The following GALNT13 variants were observed in gnomAD, a reference collection of about 807,000 sequenced individuals.
The protein encoded by GALNT13 is polypeptide N-acetylgalactosaminyltransferase 13, also known as UDP-GalNAc:polypeptide N-acetylgalactosaminyltransferase 13.
A neutral mutation model predicts 64.2 loss-of-function variants in GALNT13; 28 were observed. That is an observed-to-expected ratio of 0.44 (90% CI 0.32 to 0.60). The LOEUF is 0.60. Among genes scored for constraint, GALNT13 ranks in the 20% least tolerant of loss-of-function variants. GALNT13 has a pLI of 0.05. For missense variants in GALNT13, 577 were observed against 669.8 expected (o/e 0.86, Z 1.53); for synonymous variants, 214 against 224.6 (o/e 0.95, Z 0.42).
At chr2:153,657,978 A>G in the GALNT13 span, among the ~76,000 whole-genome samples, 1 of 152,172 alleles carries the variant, frequency 6.6e-6, no homozygotes, top group African/African-American at 2.4e-5. Flanking sequence ...TCTGCAGCAT[A>G]GGGTTGAAGT....
chr2:154,445,629 A>G (rs964898350), intron 12 of GALNT13, among the ~76,000 whole-genome samples: 51 of 152,074 alleles, frequency 3.4e-4, no homozygotes, highest in African/African-American at 1.2e-3. Flanking sequence ...TATTATGAAT[A>G]CAATGTTATT....
chr2:154,024,664 T>G (rs998975357), intron 3 of GALNT13, among the ~76,000 whole-genome samples: 1 of 152,158 alleles, frequency 6.6e-6, no homozygotes, highest in African/African-American at 2.4e-5. Context: ...CGGAGTAGTT[T>G]GATCGTCTGA....
chr2:154,299,806 A>AG (rs994223489), intron 8 of GALNT13, among the ~76,000 whole-genome samples: 75 of 152,076 alleles, frequency 4.9e-4, no homozygotes, highest in African/African-American at 1.8e-3. Context: ...CTGTCTTTTA[A>AG]GGGGGAGGAA....
chr2:154,275,598 C>T (rs1295426923), intron 8 of GALNT13, among the ~76,000 whole-genome samples: 1 of 152,156 alleles, frequency 6.6e-6, no homozygotes, highest in Non-Finnish European at 1.5e-5. Flanking sequence ...CCTAGATGTC[C>T]AGGCAGAGGT....
At chr2:154,002,478 G>A (rs964472854) in intron 3 of GALNT13, among the ~76,000 whole-genome samples, 2 of 151,644 alleles carry the variant, frequency 1.3e-5, no homozygotes, top group East Asian at 1.9e-4. Flanking sequence ...TTCATTTATT[G>A]TATCTATAAT....
chr2:154,386,993 T>G (rs949412694), intron 9 of GALNT13, among the ~76,000 whole-genome samples: 13 of 152,112 alleles, frequency 8.5e-5, no homozygotes, highest in Non-Finnish European at 1.5e-4. Flanking sequence ...AGCTATGATT[T>G]TGTAAAATTC....
intron 3 of GALNT13, among the ~76,000 whole-genome samples, chr2:154,066,643 C>T (rs1200721053): frequency 6.6e-6 from 1 of 151,478 alleles, no homozygotes; most frequent in Admixed American, 6.6e-5. Flanking sequence ...AAATATTCTT[C>T]CAACATGAAG....
chr2:153,118,108 A>AACACACACACACAC, the GALNT13 span, among the ~76,000 whole-genome samples: 23 of 12,820 alleles, frequency 1.8e-3, no homozygotes, highest in African/African-American at 2.7e-3. Context: ...ACTATGTACC[A>AACACACACACACAC]ACACACACAC....
the GALNT13 span, among the ~76,000 whole-genome samples, chr2:153,629,686 A>G: frequency 2.6e-5 from 4 of 152,010 alleles, no homozygotes; most frequent in Non-Finnish European, 5.9e-5. Context: ...ACAGCAAAAG[A>G]AACTACCATC....
the GALNT13 span, among the ~76,000 whole-genome samples, chr2:153,688,695 C>T: frequency 6.6e-6 from 1 of 151,924 alleles, no homozygotes; most frequent in Non-Finnish European, 1.5e-5. Context: ...AAAGGAATCA[C>T]ACATTATGTT....
chr2:153,908,379 A>G (rs1688721545), intron 2 of GALNT13, among the ~76,000 whole-genome samples: 1 of 152,076 alleles, frequency 6.6e-6, no homozygotes, highest in African/African-American at 2.4e-5. Context: ...TTCTGCACAG[A>G]AGCTCTTCAG....
intron 9 of GALNT13, among the ~76,000 whole-genome samples, chr2:154,339,658 G>A (rs368652648): frequency 6.6e-6 from 1 of 152,058 alleles, no homozygotes; most frequent in Admixed American, 6.6e-5. Context: ...GTTCACACAC[G>A]GAAATGGGTG....
chr2:154,445,339 A>T (rs1701512844), intron 12 of GALNT13, among the ~76,000 whole-genome samples: 1 of 151,774 alleles, frequency 6.6e-6, no homozygotes, highest in African/African-American at 2.4e-5. Context: ...TTTTTGTTTT[A>T]TGTCATAAAA....
upstream of GALNT13, among the ~76,000 whole-genome samples, chr2:153,871,177 G>A (rs79705001): frequency 6.2e-3 from 941 of 152,284 alleles, 10 homozygotes; most frequent in African/African-American, 0.022. Context: ...CAGGTACTTC[G>A]GAGTGGGTGT....
the GALNT13 span, among the ~76,000 whole-genome samples, chr2:153,566,409 C>T: frequency 0.31 from 40,213 of 129,444 alleles, 5,815 homozygotes; most frequent in South Asian, 0.37. Flanking sequence ...GGTGGGACTG[C>T]AGTGGCGCGA....
At chr2:153,707,358 G>T in the GALNT13 span, among the ~76,000 whole-genome samples, 1 of 152,168 alleles carries the variant, frequency 6.6e-6, no homozygotes, top group South Asian at 2.1e-4. Flanking sequence ...TCCTAATACT[G>T]AAAAAAGCCA....
chr2:153,590,100 G>A, the GALNT13 span, among the ~76,000 whole-genome samples: 9 of 152,082 alleles, frequency 5.9e-5, no homozygotes, highest in Non-Finnish European at 1.2e-4. Context: ...TAAATGGTTA[G>A]CTAGAGTAAC....
At chr2:154,023,830 T>C (rs1441357758) in intron 3 of GALNT13, among the ~76,000 whole-genome samples, 1 of 152,248 alleles carries the variant, frequency 6.6e-6, no homozygotes, top group East Asian at 1.9e-4. Flanking sequence ...CAGTGGCTGG[T>C]ACCAGTTGTT....
the GALNT13 span, among the ~76,000 whole-genome samples, chr2:153,737,196 G>C: frequency 1.3e-5 from 2 of 152,138 alleles, no homozygotes; most frequent in Admixed American, 6.6e-5. Context: ...AGGGAGAAAG[G>C]GTAATAGGAA....
Sources: allele counts gnomAD v4.1 joint callset (sites outside exome capture counted in the v4.1 genomes callset), GRCh38; gene constraint gnomAD v4.1.1; transcripts MANE v1.5; gene names NCBI Gene and HGNC (gene_info 2026-07-23, HGNC 2026-07-21).